Variants in ABLIM1 observed in about 807,000 individuals in gnomAD.
ABLIM1 encodes the protein actin-binding LIM protein 1.
In ABLIM1, 40 loss-of-function variants were observed where a neutral mutation model predicts 107.0. That is an observed-to-expected ratio of 0.37 (90% CI 0.29 to 0.49). The LOEUF (loss-of-function observed/expected upper bound fraction) is 0.49. ABLIM1 is among the 20% of genes least tolerant of loss of function. The pLI is 0.97. For missense variants in ABLIM1, 857 were observed against 1,008.5 expected (o/e 0.85, Z 2.04); for synonymous variants, 357 against 357.3 (o/e 1.00, Z 0.01).
rs1275787891 is a variant in ABLIM1, at chr10:114,433,084, G to C, written c.*3176C>G. On this transcript the variant is annotated 3_prime_UTR_variant, in exon 23 of 23. Transcript: ENST00000533213. ...CTTCATGCCATCATTATGCACTTAA[G>C]AGTCCCAAGGAAGTCAAATGTTCCC... 6.6e-6 allele frequency: 1 copy of C among 152,178 alleles called. No homozygotes were observed. The highest frequency in any genetic ancestry group is 1.5e-5 in the Non-Finnish European group (1 of 68,022). 9.4% of individuals were successfully genotyped at this position (152,178 alleles called of 1,614,324 possible).
intron 9 of ABLIM1, 60 bp from the exon 10 acceptor site, chr10:114,473,192 A>G: frequency 6.7e-7 from 1 of 1,493,782 alleles, no homozygotes. Context: ...AGGAAACTGT[A>G]GTTGGCGCAT....
intron 1 of ABLIM1, among the ~76,000 whole-genome samples, chr10:114,740,022 C>T (rs953895096): frequency 6.6e-6 from 1 of 152,036 alleles, no homozygotes; most frequent in African/African-American, 2.4e-5. Flanking sequence ...TAACAGCAAA[C>T]CTGTTGGCAT....
At chr10:114,745,646 G>T (rs1471981360) in intron 1 of ABLIM1, among the ~76,000 whole-genome samples, 1 of 152,180 alleles carries the variant, frequency 6.6e-6, no homozygotes, top group African/African-American at 2.4e-5. Context: ...AAGGTGGGCA[G>T]ATCACCTGAG....
intron 1 of ABLIM1, among the ~76,000 whole-genome samples, chr10:114,742,048 A>C (rs1219653772): frequency 6.6e-6 from 1 of 152,242 alleles, no homozygotes; most frequent in Non-Finnish European, 1.5e-5. Context: ...AACAAAATCC[A>C]TAACTTATGG....
chr10:114,788,399 CTG>C, the ABLIM1 span, among the ~76,000 whole-genome samples: 2 of 149,402 alleles, frequency 1.3e-5, no homozygotes, highest in Admixed American at 1.3e-4. Context: ...AGTAGCAGAG[CTG>C]TGAGTCAACT....
At chr10:114,486,993 A>C (rs1180930412) in intron 8 of ABLIM1, among the ~76,000 whole-genome samples, 1 of 152,232 alleles carries the variant, frequency 6.6e-6, no homozygotes, top group African/African-American at 2.4e-5. Flanking sequence ...ATCTGAAAAA[A>C]GGCAGAGCGA....
chr10:114,787,889 G>C, the ABLIM1 span, among the ~76,000 whole-genome samples: 41 of 147,280 alleles, frequency 2.8e-4, no homozygotes, highest in Admixed American at 2.6e-3. Context: ...GAATAGAAAG[G>C]GGGGAAAGGT....
chr10:114,699,354 A>G (rs2081262115), intron 1 of ABLIM1, among the ~76,000 whole-genome samples: 1 of 152,172 alleles, frequency 6.6e-6, no homozygotes, highest in African/African-American at 2.4e-5. Context: ...TTCTGCAGTG[A>G]AGAATATTTG....
rs188018938 is a variant in ABLIM1, at chr10:114,600,745, C to A, written c.379+1082G>T. ...TCTACAGAGTGCACTCTGAGTCTCGCCTCCCTTCCTTCTCTGACATCCTTG... is the reference window on the plus strand; with the variant it reads ...TCTACAGAGTGCACTCTGAGTCTCGACTCCCTTCCTTCTCTGACATCCTTG... On this transcript the variant is annotated intron_variant, in intron 2 of 22. Coordinates refer to ENST00000533213, the MANE Select transcript of ABLIM1 (RefSeq NM_002313.7). Among the ~76,000 whole-genome samples the A allele has an allele frequency of 5.9e-5, 9 of 152,178 alleles. No individual in the cohort carries two copies. The East Asian group carries it at 1.7e-3, about 29-fold the overall frequency.
intron 4 of ABLIM1, among the ~76,000 whole-genome samples, chr10:114,553,236 A>G (rs1347894938): frequency 1.3e-5 from 2 of 152,220 alleles, no homozygotes; most frequent in Non-Finnish European, 2.9e-5. Context: ...AGCCACCGCT[A>G]CCTTCCCAGG....
At chr10:114,530,408 C>T (rs971733650) in intron 6 of ABLIM1, among the ~76,000 whole-genome samples, 4 of 152,070 alleles carry the variant, frequency 2.6e-5, no homozygotes, top group African/African-American at 9.7e-5. Context: ...GTTAAACAGA[C>T]AGCACAAATC....
At chr10:114,634,659 A>C (rs1299964570) in intron 1 of ABLIM1, among the ~76,000 whole-genome samples, 1 of 152,108 alleles carries the variant, frequency 6.6e-6, no homozygotes, top group Non-Finnish European at 1.5e-5. Flanking sequence ...AAAATACTAC[A>C]TAGTGGTTCA....
chr10:114,795,181 T>C, the ABLIM1 span, among the ~76,000 whole-genome samples: 1 of 152,152 alleles, frequency 6.6e-6, no homozygotes, highest in African/African-American at 2.4e-5. Flanking sequence ...GTCATGCGCA[T>C]ACAAATGGTA....
intron 6 of ABLIM1, among the ~76,000 whole-genome samples, chr10:114,536,223 CTTTGTTTTTTTT>C (rs1565863208): frequency 2.9e-4 from 23 of 80,428 alleles, no homozygotes; most frequent in African/African-American, 8.4e-4. Flanking sequence ...TTCCTTCTTT[CTTTGTTTTTTTT>C]TTTTTTTTTT....
chr10:114,763,087 G>A (rs1306703055), intron 1 of ABLIM1, among the ~76,000 whole-genome samples: 2 of 152,206 alleles, frequency 1.3e-5, no homozygotes, highest in African/African-American at 2.4e-5. Flanking sequence ...TGAAAAGCCA[G>A]CAGTTTCACT....
At chr10:114,770,328 G>C (rs1206767082), upstream of ABLIM1, among the ~76,000 whole-genome samples, 1 of 152,130 alleles carries the variant, frequency 6.6e-6, no homozygotes, top group East Asian at 1.9e-4. Context: ...CCCACACAAA[G>C]CTTAGAGTCC....
Position 114,477,857 on chromosome 10 carries a change from T to C in ABLIM1, c.1042-3901A>G, listed in dbSNP as rs555375641. 4.4e-4 allele frequency among the ~76,000 whole-genome samples: 67 copies of C among 152,280 alleles called. 1 individual carries two copies. Among genetic ancestry groups the C allele is most frequent in the Admixed American group, 2.2e-3 (34 of 15,304 alleles). ...CTACTGCCTCAGCCTCCCAAGTAGCTGGGACTACGGGGACTTGCCACCCAC... is the reference window on the plus strand; with the variant it reads ...CTACTGCCTCAGCCTCCCAAGTAGCCGGGACTACGGGGACTTGCCACCCAC... On this transcript the variant is annotated intron_variant, in intron 8 of 22. Transcript: ENST00000533213.
At chr10:114,703,882 G>A (rs550865353) in intron 1 of ABLIM1, among the ~76,000 whole-genome samples, 4 of 152,248 alleles carry the variant, frequency 2.6e-5, no homozygotes, top group African/African-American at 4.8e-5. Context: ...AAACATTCAC[G>A]TTTCTCACTA....
rs193022877 is a variant in ABLIM1, at chr10:114,632,508, A to G, written c.244+25449T>C. The G allele has an allele frequency of 1.2e-5, 12 of 985,432 alleles. No homozygotes were observed. The East Asian group carries it at 1.1e-3, about 93-fold the overall frequency. The allele number at this position is 985,432 out of a possible 1,614,324, so 61.0% of individuals were successfully genotyped here. ...CCTTAATGTAAAACAAAAACAGAAT[A>G]ATGATGCTAATGGCAATTTCAAGTT... On this transcript the variant is annotated intron_variant, in intron 1 of 22. Transcript: ENST00000533213.
Sources: gnomAD v4.1 joint callset for allele counts (sites outside exome capture counted in the v4.1 genomes callset) on GRCh38, gnomAD v4.1.1 for gene constraint, MANE v1.5 for transcripts, NCBI Gene and HGNC (gene_info 2026-07-23, HGNC 2026-07-21) for gene names.